The following HERC1 variants were observed in gnomAD, a reference collection of about 807,000 sequenced individuals.
The protein encoded by HERC1 is probable E3 ubiquitin-protein ligase HERC1.
In HERC1, 160 loss-of-function variants were observed where a neutral mutation model predicts 554.3. That is an observed-to-expected ratio of 0.29 (90% CI 0.25 to 0.33). HERC1 has a LOEUF of 0.33. Among genes scored for constraint, HERC1 ranks in the 10% least tolerant of loss-of-function variants. HERC1 has a pLI of 1.00. For missense variants in HERC1, 4,919 were observed against 5,918.5 expected (o/e 0.83, Z 5.54); for synonymous variants, 2,175 against 2,131.7 (o/e 1.02, Z -0.56).
intron 53 of HERC1, 25 bp downstream of exon 53, chr15:63,651,228 T>TTA (rs1566973662): frequency 6.2e-7 from 1 of 1,611,202 alleles, no homozygotes; most frequent in Admixed American, 1.7e-5. Flanking sequence ...TTTCAGCAGT[T>TTA]TACTAGTGTT....
chr15:63,656,183 G>A lies in HERC1; in HGVS notation c.9775C>T (p.Pro3259Ser). Residue 3259 changes from proline (P) to serine (S), a missense_variant, in exon 49 of 78, where the codon CCT (proline) becomes TCT (serine). Coordinates refer to ENST00000443617, the MANE Select transcript of HERC1 (RefSeq NM_003922.4). The stretch of plus-strand genomic sequence containing the variant: ...CTCAAATAGGCCAGGCAAGAGATAG[G>A]CTTGTTAGCCTTGCTATGCCCACCT... ...SRGGHSKANK[P>S]ISCLAYLSTA... The A allele has an allele frequency of 2.5e-6, 4 of 1,612,710 alleles. No homozygotes were observed. The highest frequency in any genetic ancestry group is 3.4e-6 in the Non-Finnish European group (4 of 1,179,330).
At chr15:63,616,227 G>T (rs1050623708) in intron 75 of HERC1, among the ~76,000 whole-genome samples, 2 of 116,404 alleles carry the variant, frequency 1.7e-5, no homozygotes, top group African/African-American at 6.9e-5. Context: ...AAGGGGGAAG[G>T]AGCAACTAAG....
chr15:63,664,689 C>T, intron 42 of HERC1, 95 bp from the exon 43 acceptor site: 2 of 1,021,858 alleles, frequency 2.0e-6, no homozygotes, highest in Non-Finnish European at 2.8e-6. Context: ...ACTTTATTCT[C>T]ATTGAGAATA....
At chr15:63,679,891 A>G (rs1339032130) in intron 36 of HERC1, among the ~76,000 whole-genome samples, 186 bp downstream of exon 36, 2 of 152,246 alleles carry the variant, frequency 1.3e-5, no homozygotes, top group Admixed American at 6.5e-5. Context: ...AGAACATGAA[A>G]TAGTGCCTTA....
At chr15:63,784,820 A>T (rs1318870295) in intron 1 of HERC1, among the ~76,000 whole-genome samples, 1 of 152,230 alleles carries the variant, frequency 6.6e-6, no homozygotes, top group African/African-American at 2.4e-5. Context: ...TGTGTTGGCC[A>T]GGATGGGCTC....
intron 54 of HERC1, among the ~76,000 whole-genome samples, chr15:63,648,780 A>G (rs1177570942): frequency 2.0e-5 from 3 of 152,212 alleles, no homozygotes; most frequent in South Asian, 2.1e-4. Flanking sequence ...TTTTCACTGT[A>G]TGCTTTTTAA....
rs757959093 is a variant in HERC1 at position 63,680,728 on chromosome 15, C to G, written c.6274G>C (p.Val2092Leu). The change falls in exon 35 of 78, where the codon GTT becomes CTT. Residue 2092 changes from valine to leucine, a missense_variant. By Grantham distance (32) the Val-to-Leu change is conservative (BLOSUM62 1). Around this residue, in one of 11 missense-constraint regions of HERC1, gnomAD observed 85 missense variants for 163.2 expected, o/e 0.52. Transcript: ENST00000443617. This position sits in a 1 kb window ranked among gnomAD's most constrained non-coding sequence, Gnocchi z 5.8. ...NRGNEGTCVG[V>L]SRWPVHDFNH... ...AAGTCATGTACTGGCCAGCGAGAAACTCCAACACACGTGCCTTCATTACCT... is the reference window on the plus strand; with the variant it reads ...AAGTCATGTACTGGCCAGCGAGAAAGTCCAACACACGTGCCTTCATTACCT... 2 of 1,613,158 alleles carry G rather than the reference C, an allele frequency of 1.2e-6. No homozygotes were observed. Among genetic ancestry groups the G allele is most frequent in the Non-Finnish European group, 1.7e-6 (2 of 1,179,128 alleles).
chr15:63,810,796 G>C (rs1596308319), intron 1 of HERC1, among the ~76,000 whole-genome samples: 1 of 152,264 alleles, frequency 6.6e-6, no homozygotes, highest in Admixed American at 6.5e-5. Flanking sequence ...ATAATCTGGT[G>C]ATAGTCACCA....
intron 33 of HERC1, among the ~76,000 whole-genome samples, chr15:63,688,784 T>C (rs1338175303): frequency 2.0e-5 from 3 of 152,156 alleles, no homozygotes; most frequent in Non-Finnish European, 2.9e-5. Flanking sequence ...AGTGACTATA[T>C]GCATGGGGAC....
chr15:63,655,147 A>G (rs62014164), intron 50 of HERC1, among the ~76,000 whole-genome samples: 22,004 of 152,064 alleles, frequency 0.14, 2,136 homozygotes, highest in Middle Eastern at 0.21. Flanking sequence ...CGAGGCCAGG[A>G]GTTCAAGACA....
intron 47 of HERC1, 144 bp downstream of exon 47, chr15:63,659,592 A>T (rs2070244947): frequency 1.5e-6 from 1 of 666,714 alleles, no homozygotes; most frequent in Non-Finnish European, 2.5e-6. Flanking sequence ...ATGTTAAAAC[A>T]ACTGGCTAAA....
chr15:63,827,939 C>A (rs1028869312), intron 1 of HERC1, among the ~76,000 whole-genome samples: 2 of 152,140 alleles, frequency 1.3e-5, no homozygotes, highest in Admixed American at 1.3e-4. Context: ...AATAGGCAAA[C>A]ACACACAGAC....
rs2070431954 is a variant in HERC1, at chr15:63,662,903, G to A, written c.8901+81C>T. ...GACTTTTTAGAGTGTTTCAACTCTAGGCAAGGCTGCTGTTAGTAAGCTATA... is the reference window on the plus strand; with the variant it reads ...GACTTTTTAGAGTGTTTCAACTCTAAGCAAGGCTGCTGTTAGTAAGCTATA... On this transcript the variant is annotated intron_variant, in intron 44 of 77. Coordinates refer to ENST00000443617, the MANE Select transcript of HERC1 (RefSeq NM_003922.4). 4 of 1,064,976 alleles carry A rather than the reference G, an allele frequency of 3.8e-6. No individual in the cohort carries two copies. In the Admixed American group the frequency reaches 6.3e-5, roughly 17 times the overall value. 66.0% of individuals were successfully genotyped at this position (1,064,976 alleles called of 1,614,324 possible). A position where few individuals can be genotyped will look rare whatever the true frequency, so the allele number is the denominator to read the frequency against.
chr15:63,629,934 CTT>C (rs142640461), intron 69 of HERC1, among the ~76,000 whole-genome samples: 1,864 of 152,234 alleles, frequency 0.012, 36 homozygotes, highest in African/African-American at 0.043. Flanking sequence ...ACATCAACCT[CTT>C]GAGTCTCTTA....
At chr15:63,703,820 G>GTT in intron 25 of HERC1, among the ~76,000 whole-genome samples, 1 of 151,934 alleles carries the variant, frequency 6.6e-6, no homozygotes, top group African/African-American at 2.4e-5. Flanking sequence ...CAGATGGGAG[G>GTT]GTCACTTGAG....
chr15:63,685,637 C>G (rs942447005), intron 34 of HERC1, among the ~76,000 whole-genome samples: 10 of 152,222 alleles, frequency 6.6e-5, no homozygotes, highest in African/African-American at 2.4e-4. Context: ...AAAGGCATAA[C>G]TGAAGTCAAT....
chr15:63,674,240 T>G, intron 38 of HERC1, 102 bp downstream of exon 38: 2 of 1,059,574 alleles, frequency 1.9e-6, no homozygotes, highest in South Asian at 2.8e-5. Context: ...AAAAAAAATT[T>G]TTTTTTTTTT....
rs1373670684 is a variant in HERC1 at position 63,661,831 on chromosome 15, G to A, written c.9092C>T (p.Pro3031Leu). The change falls in exon 45 of 78, where the codon CCG becomes CTG. Residue 3031 changes from proline (P) to leucine (L), a missense_variant. Around this residue, in one of 11 missense-constraint regions of HERC1, gnomAD observed 1,963 missense variants for 2,228.6 expected, o/e 0.88. Transcript: ENST00000443617. Reference protein sequence around the residue: ...WFGGECGSGNPYYLLCGTCRE... With the variant: ...WFGGECGSGNLYYLLCGTCRE... ...GCAGGTGCCACATAACAGGTAGTAC[G>A]GATTTCCACTCCCACATTCACCGCC... 1.9e-6 allele frequency: 3 copies of A among 1,613,956 alleles called. No individual in the cohort carries two copies. The highest frequency in any genetic ancestry group is 2.2e-5 in the East Asian group (1 of 44,890).
intron 67 of HERC1, among the ~76,000 whole-genome samples, chr15:63,633,335 A>G (rs946019913): frequency 1.3e-5 from 2 of 152,220 alleles, no homozygotes; most frequent in African/African-American, 4.8e-5. Flanking sequence ...AACCCACATA[A>G]AACAATCACA....
Sources: gnomAD v4.1 joint callset for allele counts (sites outside exome capture counted in the v4.1 genomes callset) on GRCh38, gnomAD v4.1.1 for gene constraint, gnomAD v4.1.1 regional missense constraint, Gnocchi (gnomAD v3.1) non-coding constraint, MANE v1.5 for transcripts, NCBI Gene and HGNC (gene_info 2026-07-23, HGNC 2026-07-21) for gene names.